Variants in CLSTN2 observed in about 807,000 individuals in gnomAD.
CLSTN2 encodes calsyntenin 2, also known as calsyntenin-2.
A neutral mutation model predicts 101.2 loss-of-function variants in CLSTN2; 48 were observed. That is an observed-to-expected ratio of 0.47 (90% CI 0.38 to 0.60). CLSTN2 has a LOEUF of 0.60. CLSTN2 is among the 20% of genes least tolerant of loss of function. The pLI is 0.00. For synonymous variants in CLSTN2, 481 were observed against 463.6 expected (o/e 1.04, Z -0.48); for missense variants, 1,160 against 1,238.2 (o/e 0.94, Z 0.95).
chr3:140,522,152 T>C (rs911125440), intron 8 of CLSTN2, among the ~76,000 whole-genome samples: 13 of 152,264 alleles, frequency 8.5e-5, no homozygotes, highest in African/African-American at 3.1e-4. Context: ...GGCTTCATGC[T>C]GTTCCCAGGT....
At chr3:140,116,467 T>C (rs1449101095) in intron 1 of CLSTN2, among the ~76,000 whole-genome samples, 1 of 152,070 alleles carries the variant, frequency 6.6e-6, no homozygotes, top group Non-Finnish European at 1.5e-5. Context: ...GAATCAGGAA[T>C]TTACCTTGAA....
At chr3:140,067,298 T>G in intron 1 of CLSTN2, among the ~76,000 whole-genome samples, 1 of 152,140 alleles carries the variant, frequency 6.6e-6, no homozygotes, top group East Asian at 1.9e-4. Context: ...AAATAACAGT[T>G]ATTGCTATAA....
intron 8 of CLSTN2, chr3:140,505,649 C>G (rs1446505132): frequency 6.6e-6 from 1 of 152,172 alleles, no homozygotes; most frequent in African/African-American, 2.4e-5. Context: ...TATTTACCAT[C>G]ACTGAGATAT....
chr3:140,024,232 A>G lies in CLSTN2; in HGVS notation c.109+88749A>G, dbSNP rs149460654. Among the ~76,000 whole-genome samples, 78 of 152,284 alleles carry G rather than the reference A, an allele frequency of 5.1e-4. 1 individual carries two copies. The highest frequency in any genetic ancestry group is 1.8e-3 in the African/African-American group (74 of 41,572). The stretch of plus-strand genomic sequence containing the variant: ...ATTAAATGCCAGCTGCTTCATGGTT[A>G]TGACTAAAAAGATGTTATGAGTCTG... On this transcript the variant is annotated intron_variant, in intron 1 of 16. Coordinates refer to ENST00000458420, the MANE Select transcript of CLSTN2 (RefSeq NM_022131.3).
chr3:140,395,309 T>G (rs930438227), intron 2 of CLSTN2, among the ~76,000 whole-genome samples: 1 of 152,186 alleles, frequency 6.6e-6, no homozygotes, highest in Non-Finnish European at 1.5e-5. Flanking sequence ...CCTAGCTGCT[T>G]GCAGGCCAGA....
chr3:140,312,489 C>T lies in CLSTN2; in HGVS notation c.233-91140C>T, dbSNP rs1206362836. On this transcript the variant is annotated intron_variant, in intron 2 of 16. Transcript: ENST00000458420. Reference sequence around the variant, plus strand: ...TTTGACAGCCATGGTTATCATCTTTCGTCTACAATTCTTTCTGTAGAATTT... The same window carrying T: ...TTTGACAGCCATGGTTATCATCTTTTGTCTACAATTCTTTCTGTAGAATTT... 2.0e-5 allele frequency among the ~76,000 whole-genome samples: 3 copies of T among 152,216 alleles called. No individual in the cohort carries two copies. The East Asian group carries it at 5.8e-4, about 29-fold the overall frequency.
At chr3:140,153,597 G>A (rs1315764902) in intron 1 of CLSTN2, among the ~76,000 whole-genome samples, 2 of 152,212 alleles carry the variant, frequency 1.3e-5, no homozygotes, top group African/African-American at 4.8e-5. Flanking sequence ...GGAAATCAAG[G>A]CACAAGGGGC....
intron 2 of CLSTN2, among the ~76,000 whole-genome samples, chr3:140,364,814 A>G (rs753355268): frequency 2.0e-5 from 3 of 152,160 alleles, no homozygotes; most frequent in Non-Finnish European, 4.4e-5. Context: ...TTCAGGAAAT[A>G]TTGATTGAGT....
At chr3:140,187,296 C>T (rs1215850032) in intron 2 of CLSTN2, among the ~76,000 whole-genome samples, 2 of 152,134 alleles carry the variant, frequency 1.3e-5, no homozygotes, top group African/African-American at 2.4e-5. Context: ...TGCTCTCAGC[C>T]TCTGCCTCTT....
At chr3:140,025,837 G>A (rs1266278867) in intron 1 of CLSTN2, among the ~76,000 whole-genome samples, 2 of 152,176 alleles carry the variant, frequency 1.3e-5, no homozygotes, top group Non-Finnish European at 2.9e-5. Flanking sequence ...ATGAACATGC[G>A]ATGGAGACAG....
At chr3:140,482,888 G>A (rs549321476) in intron 8 of CLSTN2, among the ~76,000 whole-genome samples, 5 of 152,014 alleles carry the variant, frequency 3.3e-5, no homozygotes, top group African/African-American at 1.2e-4. Context: ...CTTTTCAAAA[G>A]ACCAGCTCCT....
At chr3:140,075,045 T>C (rs16849813) in intron 1 of CLSTN2, among the ~76,000 whole-genome samples, 8,256 of 152,306 alleles carry the variant, frequency 0.054, 316 homozygotes, top group East Asian at 0.16. Context: ...CCCAGCTAAA[T>C]GCCCTCACTA....
intron 1 of CLSTN2, among the ~76,000 whole-genome samples, chr3:140,055,668 G>A (rs189114099): frequency 4.6e-5 from 7 of 152,288 alleles, no homozygotes; most frequent in Admixed American, 1.3e-4. Context: ...CTCAGTAAAT[G>A]TTTCCTTTTT....
intron 2 of CLSTN2, among the ~76,000 whole-genome samples, chr3:140,235,084 T>C (rs1021319273): frequency 6.6e-6 from 1 of 152,152 alleles, no homozygotes; most frequent in African/African-American, 2.4e-5. Context: ...AACTACAAAA[T>C]AGGAATAATA....
chr3:140,398,527 C>T (rs1181338703), intron 2 of CLSTN2, among the ~76,000 whole-genome samples: 1 of 152,122 alleles, frequency 6.6e-6, no homozygotes, highest in African/African-American at 2.4e-5. Flanking sequence ...ACTTTTTGAA[C>T]CCTTACAAAG....
intron 1 of CLSTN2, among the ~76,000 whole-genome samples, chr3:140,043,203 A>G (rs1331411220): frequency 6.6e-6 from 1 of 151,994 alleles, no homozygotes; most frequent in Non-Finnish European, 1.5e-5. Flanking sequence ...CTGACTTTTT[A>G]ATGATCGCCA....
intron 2 of CLSTN2, among the ~76,000 whole-genome samples, chr3:140,360,399 A>G (rs57507879): frequency 0.089 from 13,505 of 152,230 alleles, 957 homozygotes; most frequent in African/African-American, 0.2. Flanking sequence ...GATATACTAA[A>G]ATAAAACTGG....
At chr3:140,202,374 C>T (rs2010728798) in intron 2 of CLSTN2, among the ~76,000 whole-genome samples, 1 of 152,102 alleles carries the variant, frequency 6.6e-6, no homozygotes. Context: ...AACAGGATTT[C>T]CTGATGTGTT....
intron 1 of CLSTN2, among the ~76,000 whole-genome samples, chr3:140,173,876 G>GT (rs566525683): frequency 5.7e-4 from 87 of 152,280 alleles, no homozygotes; most frequent in African/African-American, 1.7e-3. Flanking sequence ...ATGAAACCAT[G>GT]TTTTTCCTTC....
Sources: gnomAD v4.1 joint callset for allele counts (sites outside exome capture counted in the v4.1 genomes callset) on GRCh38, gnomAD v4.1.1 for gene constraint, MANE v1.5 for transcripts, NCBI Gene and HGNC (gene_info 2026-07-23, HGNC 2026-07-21) for gene names.